The following HRH2 variants were observed in gnomAD, a reference collection of about 807,000 sequenced individuals.
The protein encoded by HRH2 is histamine receptor H2, also known as histamine H2 receptor.
In HRH2, 4 loss-of-function variants were observed where a neutral mutation model predicts 20.1. The ratio of observed to expected loss-of-function variants is 0.20; its 90% confidence interval spans 0.10 to 0.45. The LOEUF (loss-of-function observed/expected upper bound fraction) is 0.45, where lower values mean the gene tolerates loss of function less well. Ranked by LOEUF, HRH2 falls within the 20% of genes least tolerant of loss-of-function variation. The pLI is 0.99. For missense variants in HRH2, 250 were observed against 461.6 expected, an observed-to-expected ratio of 0.54 and a Z score of 4.20; for synonymous variants, 197 against 200.7, an observed-to-expected ratio of 0.98 and a Z score of 0.16.
At chr5:175,700,843 G>A (rs906573944) in intron 2 of HRH2, among the ~76,000 whole-genome samples, 4 of 152,100 alleles carry the variant, frequency 2.6e-5, no homozygotes, top group South Asian at 2.1e-4. Flanking sequence ...AGCTGAGATC[G>A]TGCCACTGCA....
chr5:175,685,862 C>CAG, intron 2 of HRH2: 1 of 218,624 alleles, frequency 4.6e-6, no homozygotes, highest in Non-Finnish European at 9.0e-6. Flanking sequence ...CCAACAAGGG[C>CAG]TCCAGGTTCT....
At position 175,686,796 on chromosome 5, in the gene HRH2, G is replaced by A. The variant is rs636239; in HGVS notation, c.1076+2487G>A. Among the ~76,000 whole-genome samples the A allele has an allele frequency of 0.015, 2,251 of 152,328 alleles. 58 individuals carry two copies. The highest frequency in any genetic ancestry group is 0.052 in the African/African-American group (2,147 of 41,568). ...GACTTGCTTAATCTCCACTTTATAG[G>A]TGGGAAAACTGAGGCACACAGAAGT... On this transcript the variant is annotated intron_variant, in intron 2 of 2. Coordinates refer to ENST00000636584, the MANE Select transcript of HRH2 (RefSeq NM_001367711.1). This position sits in a 1 kb window ranked among gnomAD's most constrained non-coding sequence, Gnocchi z 4.7.
At position 175,667,017 on chromosome 5, in the gene HRH2, C is replaced by CAT. The variant is rs143167989; in HGVS notation, c.-526+8875_-526+8876dup. Reference sequence around the variant, plus strand: ...CAGGTTTTCTTTTTGCAAATAAAGGCATATATATATATATGTAATGTATAG... The same window carrying CAT: ...CAGGTTTTCTTTTTGCAAATAAAGGCATATATATATATATATGTAATGTATAG... On this transcript the variant is annotated intron_variant, in intron 1 of 2. Coordinates refer to ENST00000636584, the MANE Select transcript of HRH2 (RefSeq NM_001367711.1). Among the ~76,000 whole-genome samples, 431 of 150,384 alleles carry CAT rather than the reference C, an allele frequency of 2.9e-3. 1 individual carries two copies. Among genetic ancestry groups the CAT allele is most frequent in the African/African-American group, 7.6e-3 (310 of 40,756 alleles).
rs1223249949 is a variant in HRH2 at position 175,686,310 on chromosome 5, G to T, written c.1076+2001G>T. Reference sequence around the variant, plus strand: ...GCTGCCGTTACTTGTTTGAGCCCTGGGTTAATAAGCCGCCTTTTCAGTTGA... The same window carrying T: ...GCTGCCGTTACTTGTTTGAGCCCTGTGTTAATAAGCCGCCTTTTCAGTTGA... On this transcript the variant is annotated intron_variant, in intron 2 of 2. Transcript: ENST00000636584. This position sits in a 1 kb window ranked among gnomAD's most constrained non-coding sequence, Gnocchi z 4.7. 6.6e-6 allele frequency: 1 copy of T among 152,192 alleles called. No homozygotes were observed. Among genetic ancestry groups the T allele is most frequent in the Non-Finnish European group, 1.5e-5 (1 of 68,042 alleles). The allele number at this position is 152,192 out of a possible 1,614,324, so 9.4% of individuals were successfully genotyped here. A position where few individuals can be genotyped will look rare whatever the true frequency, so the allele number is the denominator to read the frequency against.
At chr5:175,671,932 G>C (rs79723149) in intron 1 of HRH2, among the ~76,000 whole-genome samples, 1 of 152,076 alleles carries the variant, frequency 6.6e-6, no homozygotes, top group Non-Finnish European at 1.5e-5. Flanking sequence ...AGGTGGGCAA[G>C]GAGAGCCGGG....
chr5:175,674,446 C>T (rs1755687050), intron 1 of HRH2, among the ~76,000 whole-genome samples: 1 of 152,116 alleles, frequency 6.6e-6, no homozygotes, highest in Admixed American at 6.5e-5. Context: ...CCAGGTCCCC[C>T]TCTCCCTCAC....
At chr5:175,701,793 G>C (rs1352174643) in intron 2 of HRH2, among the ~76,000 whole-genome samples, 1 of 152,168 alleles carries the variant, frequency 6.6e-6, no homozygotes, top group Non-Finnish European at 1.5e-5. Context: ...GGGAACTGAG[G>C]ATGGAAATGT....
At chr5:175,679,347 G>A (rs1015435659) in intron 1 of HRH2, among the ~76,000 whole-genome samples, 19 of 152,178 alleles carry the variant, frequency 1.2e-4, no homozygotes, top group African/African-American at 4.6e-4. Flanking sequence ...TGCCTGAGGT[G>A]AGTACAAGGG....
intron 2 of HRH2, among the ~76,000 whole-genome samples, chr5:175,697,099 C>T (rs369848575): frequency 1.3e-5 from 2 of 152,090 alleles, no homozygotes; most frequent in East Asian, 3.9e-4. Context: ...GTGAGGGGTC[C>T]CAGGCTGAGC....
intron 2 of HRH2, among the ~76,000 whole-genome samples, chr5:175,694,911 C>T (rs138144233): frequency 7.7e-4 from 117 of 152,284 alleles, no homozygotes; most frequent in African/African-American, 2.5e-3. Context: ...GTGCCACCTC[C>T]GCCCTGGGTG....
chr5:175,703,808 T>A (rs1249962467), intron 2 of HRH2: 1 of 151,908 alleles, frequency 6.6e-6, no homozygotes, highest in African/African-American at 2.4e-5. Context: ...TAAGGTGAAG[T>A]GAATAAGTAA....
intron 2 of HRH2, among the ~76,000 whole-genome samples, chr5:175,705,633 AC>A: frequency 6.6e-6 from 1 of 150,462 alleles, no homozygotes; most frequent in East Asian, 2.0e-4. Context: ...GAGCAGGACT[AC>A]CTACCCCTAC....
At position 175,683,560 on chromosome 5, in the gene HRH2, C is replaced by A. The variant is rs1756064765; in HGVS notation, c.327C>A (p.Leu109=). 1 of 1,614,122 alleles carries A rather than the reference C, an allele frequency of 6.2e-7. No individual in the cohort carries two copies. Residue 109 remains leucine, a synonymous_variant, in exon 2 of 3, where the codon CTC becomes CTA. Coordinates refer to ENST00000636584, the MANE Select transcript of HRH2 (RefSeq NM_001367711.1). ...VMLCTASILN[L]FMISLDRYCA... ...TCTGCACAGCCTCCATTCTTAACCT[C>A]TTCATGATCAGCCTCGACCGGTACT...
rs571024757 is a variant in HRH2 at position 175,663,280 on chromosome 5, A to G, written c.-526+5125A>G. 8.5e-5 allele frequency among the ~76,000 whole-genome samples: 13 copies of G among 152,298 alleles called. No individual in the cohort carries two copies. The East Asian group carries it at 1.4e-3, about 16-fold the overall frequency. On this transcript the variant is annotated intron_variant, in intron 1 of 2. Transcript: ENST00000636584. ...TTCCAAAGAGGTTGCACTGTCTTAC[A>G]TTCCCACCAGCAGTGCACGGAGGTC...
chr5:175,661,759 C>T (rs1762742964), intron 1 of HRH2, among the ~76,000 whole-genome samples: 3 of 152,208 alleles, frequency 2.0e-5, no homozygotes, highest in Admixed American at 6.5e-5. Context: ...CAGTGGCTCA[C>T]GCCTGTAATC....
Position 175,708,224 on chromosome 5 carries a change from G to T in HRH2, c.*253G>T. The T allele has an allele frequency of 2.9e-6, 1 of 345,820 alleles. No homozygotes were observed. The highest frequency in any genetic ancestry group is 4.3e-5 in the East Asian group (1 of 23,258). 21.4% of individuals were successfully genotyped at this position (345,820 alleles called of 1,614,324 possible). On this transcript the variant is annotated 3_prime_UTR_variant, in exon 3 of 3. Coordinates refer to ENST00000636584, the MANE Select transcript of HRH2 (RefSeq NM_001367711.1). ...TGAATCCCATGGGTTCAAAGCTCAC[G>T]TTGGTGCTGGCCCTGGGAGTCATGA... is the stretch of plus-strand genomic sequence containing the variant.
At chr5:175,661,658 G>A (rs1251203604) in intron 1 of HRH2, among the ~76,000 whole-genome samples, 5 of 152,198 alleles carry the variant, frequency 3.3e-5, no homozygotes, top group East Asian at 3.9e-4. Context: ...CTATAGAGGT[G>A]AAGAAATGGC....
intron 2 of HRH2, among the ~76,000 whole-genome samples, chr5:175,702,545 C>G (rs145992035): frequency 1.2e-5 from 1 of 86,088 alleles, no homozygotes; most frequent in Non-Finnish European, 2.2e-5. Flanking sequence ...AGTATACCAT[C>G]TTTTTTTTTT....
At chr5:175,669,031 G>A (rs1290087237) in intron 1 of HRH2, among the ~76,000 whole-genome samples, 2 of 152,214 alleles carry the variant, frequency 1.3e-5, no homozygotes, top group African/African-American at 4.8e-5. Context: ...TCAGGCTGGA[G>A]TGCAGTGGCA....
Sources: gnomAD v4.1 joint callset for allele counts (sites outside exome capture counted in the v4.1 genomes callset) on GRCh38, gnomAD v4.1.1 for gene constraint, Gnocchi (gnomAD v3.1) non-coding constraint, MANE v1.5 for transcripts, NCBI Gene and HGNC (gene_info 2026-07-23, HGNC 2026-07-21) for gene names.